CLDN12: variants seen among roughly 807,000 people sequenced by gnomAD.
CLDN12 encodes the protein claudin 12, also known as claudin-12.
CLDN12 carries 9 observed loss-of-function variants against 15.5 expected under a neutral mutation model. The observed-to-expected ratio is 0.58, with a 90% CI of 0.35 to 1.02. The LOEUF is 1.02. Ranked by LOEUF, CLDN12 falls within the 50% of genes least tolerant of loss-of-function variation. The probability of loss-of-function intolerance (pLI) is 0.02; values close to 1 mark genes in which losing one functional copy is unlikely to be tolerated. For missense variants in CLDN12, 233 were observed against 297.3 expected, an observed-to-expected ratio of 0.78 and a Z score of 1.59; for synonymous variants, 140 against 121.6, an observed-to-expected ratio of 1.15 and a Z score of -1.00.
At position 90,412,047 on chromosome 7, in the gene CLDN12, A is replaced by G. The variant is rs1429228385; in HGVS notation, c.-36A>G. 7 of 152,308 alleles carry G rather than the reference A, an allele frequency of 4.6e-5. No homozygotes were observed. The highest frequency in any genetic ancestry group is 4.6e-4 in the Admixed American group (7 of 15,284). The allele number at this position is 152,308 out of a possible 1,614,324, so 9.4% of individuals were successfully genotyped here. A position where few individuals can be genotyped will look rare whatever the true frequency, so the allele number is the denominator to read the frequency against. The stretch of plus-strand genomic sequence containing the variant: ...CACAGGGAAGTTCTGAATCTGGCCC[A>G]AGGTCAGTGAGCTAGTAAGTGAGGA... On this transcript the variant is annotated splice_region_variant and 5_prime_UTR_variant, in exon 3 of 4. Coordinates refer to ENST00000496677, the MANE Select transcript of CLDN12 (RefSeq NM_001185072.3).
In CLDN12 at chr7:90,412,955, C is replaced by T; in HGVS notation, c.279C>T (p.Ser93=). ...TCCTCCAGTTTGCCCTACCCCTCAG[C>T]ATGCTGATCGCCATGGGTGCCCTGC... is the stretch of plus-strand genomic sequence containing the variant. The part of the protein sequence containing the change: ...LRVLQFALPL[S]MLIAMGALLL... Residue 93 remains serine, a synonymous_variant, in exon 4 of 4, where the codon AGC becomes AGT. Transcript: ENST00000496677. 2 of 1,614,194 alleles carry T rather than the reference C, an allele frequency of 1.2e-6. No homozygotes were observed. The highest frequency in any genetic ancestry group is 2.2e-5 in the East Asian group (1 of 44,870).
chr7:90,410,461 G>A (rs1356439383), intron 2 of CLDN12, among the ~76,000 whole-genome samples: 1 of 152,084 alleles, frequency 6.6e-6, no homozygotes, highest in Non-Finnish European at 1.5e-5. Context: ...TTTTTATATT[G>A]TACATTTATA....
At chr7:90,410,630 A>G (rs1239311989) in intron 2 of CLDN12, among the ~76,000 whole-genome samples, 3 of 152,184 alleles carry the variant, frequency 2.0e-5, no homozygotes, top group Non-Finnish European at 4.4e-5. Context: ...TGAGGCCAGG[A>G]GTTCGAGACC....
At chr7:90,404,824 G>A (rs1385811853) in intron 1 of CLDN12, among the ~76,000 whole-genome samples, 1 of 150,980 alleles carries the variant, frequency 6.6e-6, no homozygotes, top group East Asian at 1.9e-4. Context: ...CTATTTCTAC[G>A]TATTTTTCTA....
In CLDN12 at chr7:90,413,575, G is replaced by T; in HGVS notation, c.*164G>T. On this transcript the variant is annotated 3_prime_UTR_variant, in exon 4 of 4. Coordinates refer to ENST00000496677, the MANE Select transcript of CLDN12 (RefSeq NM_001185072.3). Reference sequence around the variant, plus strand: ...GAAGTGCTGCTAGTTTTTATGAGAAGTATATTATATTAAATGTGAATTTTT... The same window carrying T: ...GAAGTGCTGCTAGTTTTTATGAGAATTATATTATATTAAATGTGAATTTTT... The T allele has an allele frequency of 7.1e-7, 1 of 1,410,526 alleles. No homozygotes were observed. Among genetic ancestry groups the T allele is most frequent in the Non-Finnish European group, 9.3e-7 (1 of 1,080,572 alleles). The allele number at this position is 1,410,526 out of a possible 1,614,324, so 87.4% of individuals were successfully genotyped here.
At chr7:90,405,789 C>G (rs760822911) in intron 2 of CLDN12, 181 bp downstream of exon 2, 3 of 152,116 alleles carry the variant, frequency 2.0e-5, no homozygotes, top group Non-Finnish European at 4.4e-5. Context: ...AGAAGGAACT[C>G]TCAATGTTAC....
intron 1 of CLDN12, among the ~76,000 whole-genome samples, chr7:90,404,344 A>C (rs1450901959): frequency 6.6e-6 from 1 of 152,118 alleles, no homozygotes; most frequent in Non-Finnish European, 1.5e-5. Flanking sequence ...CATTCTACAT[A>C]ATGATCGTAA....
chr7:90,412,916 G>C lies in CLDN12; in HGVS notation c.240G>C (p.Gln80His), dbSNP rs759812081. The change falls in exon 4 of 4, where the codon CAG (glutamine) becomes CAC (histidine). Residue 80 changes from glutamine to histidine, a missense_variant. Physicochemically the swap from Gln to His is conservative, Grantham distance 24 (BLOSUM62 0). Transcript: ENST00000496677. The stretch of plus-strand genomic sequence containing the variant: ...CTACTTGGTACTCATCAGTTGACCA[G>C]CTGGACCTGCGTGTCCTCCAGTTTG... ...YDTTWYSSVD[Q>H]LDLRVLQFAL... 3.7e-6 allele frequency: 6 copies of C among 1,614,212 alleles called. No homozygotes were observed. The South Asian group carries it at 6.6e-5, about 18-fold the overall frequency.
At position 90,413,141 on chromosome 7, in the gene CLDN12, C is replaced by G. The variant is rs1008641536; in HGVS notation, c.465C>G (p.Ile155Met). ...GCCTCTCCCCATCTATCTGGGTCATCTTTTATAACATCCATCTGAACAAGA... is the reference window on the plus strand; with the variant it reads ...GCCTCTCCCCATCTATCTGGGTCATGTTTTATAACATCCATCTGAACAAGA... ...TVSLSPSIWV[I>M]FYNIHLNKKF... Residue 155 changes from isoleucine to methionine, a missense_variant, in exon 4 of 4, where the codon ATC becomes ATG. Physicochemically the swap from Ile to Met is conservative, Grantham distance 10. Coordinates refer to ENST00000496677, the MANE Select transcript of CLDN12 (RefSeq NM_001185072.3). 2 of 1,614,178 alleles carry G rather than the reference C, an allele frequency of 1.2e-6. No individual in the cohort carries two copies. The highest frequency in any genetic ancestry group is 1.7e-6 in the Non-Finnish European group (2 of 1,180,030).
chr7:90,412,038 A>G lies in CLDN12; in HGVS notation c.-45A>G, dbSNP rs1469546064. 6.6e-6 allele frequency: 1 copy of G among 152,294 alleles called. No homozygotes were observed. Among genetic ancestry groups the G allele is most frequent in the African/African-American group, 2.4e-5 (1 of 41,454 alleles). The allele number at this position is 152,294 out of a possible 1,614,324, so 9.4% of individuals were successfully genotyped here. A position where few individuals can be genotyped will look rare whatever the true frequency, so the allele number is the denominator to read the frequency against. On this transcript the variant is annotated 5_prime_UTR_variant, in exon 3 of 4. Coordinates refer to ENST00000496677, the MANE Select transcript of CLDN12 (RefSeq NM_001185072.3). ...AAAACGAGGCACAGGGAAGTTCTGA[A>G]TCTGGCCCAAGGTCAGTGAGCTAGT...
In CLDN12 at chr7:90,415,631, G is replaced by A. The variant is rs9731; in HGVS notation, c.*2220G>A. 0.62 allele frequency: 102,930 copies of A among 166,854 alleles called. 32,501 individuals are homozygous for A. Among genetic ancestry groups the A allele is most frequent in the Non-Finnish European group, 0.66 (44,971 of 68,054 alleles). 10.3% of individuals were successfully genotyped at this position (166,854 alleles called of 1,614,324 possible). A position where few individuals can be genotyped will look rare whatever the true frequency, so the allele number is the denominator to read the frequency against. On this transcript the variant is annotated 3_prime_UTR_variant, in exon 4 of 4. Transcript: ENST00000496677. Reference sequence around the variant, plus strand: ...GCTATCAGTAGCTGTTTTTAAAGCCGTCCAAGGAAAATAATTATTTACAGT... The same window carrying A: ...GCTATCAGTAGCTGTTTTTAAAGCCATCCAAGGAAAATAATTATTTACAGT...
chr7:90,410,113 A>G (rs1162916783), intron 2 of CLDN12, among the ~76,000 whole-genome samples: 2 of 151,986 alleles, frequency 1.3e-5, no homozygotes, highest in Non-Finnish European at 2.9e-5. Flanking sequence ...AGATAGACAG[A>G]TGAATAAGCA....
intron 3 of CLDN12, chr7:90,412,348 G>C (rs1274740621): frequency 7.1e-6 from 2 of 283,132 alleles, no homozygotes; most frequent in Admixed American, 4.7e-5. Flanking sequence ...GATTGTAAGA[G>C]ACTTTAACAT....
intron 2 of CLDN12, among the ~76,000 whole-genome samples, chr7:90,409,782 C>T (rs1439777583): frequency 3.3e-5 from 5 of 152,166 alleles, no homozygotes; most frequent in African/African-American, 1.2e-4. Flanking sequence ...TGATTCACCA[C>T]CAACACTTTG....
At position 90,414,414 on chromosome 7, in the gene CLDN12, C is replaced by T. The variant is rs903426027; in HGVS notation, c.*1003C>T. On this transcript the variant is annotated 3_prime_UTR_variant, in exon 4 of 4. Transcript: ENST00000496677. ...TCTCGCCCCCGTCACTGATTATTTC[C>T]TTGAGCATATATCTCTGCCTAACAC... The T allele has an allele frequency of 1.0e-6, 1 of 999,560 alleles. No homozygotes were observed. Among genetic ancestry groups the T allele is most frequent in the African/African-American group, 1.7e-5 (1 of 57,202 alleles). The allele number at this position is 999,560 out of a possible 1,614,324, so 61.9% of individuals were successfully genotyped here.
rs2115903256 is a variant in CLDN12, at chr7:90,413,928, A to G, written c.*517A>G. On this transcript the variant is annotated 3_prime_UTR_variant, in exon 4 of 4. Transcript: ENST00000496677. ...GCTAATTGTATGAATAGGTGTCAGT[A>G]TGTTGAAGATTACTTTCTTTTGTGA... 2.0e-6 allele frequency: 2 copies of G among 997,036 alleles called. No homozygotes were observed. Among genetic ancestry groups the G allele is most frequent in the African/African-American group, 3.5e-5 (2 of 57,306 alleles). The allele number at this position is 997,036 out of a possible 1,614,324, so 61.8% of individuals were successfully genotyped here.
chr7:90,411,976 G>A (rs1011180357), intron 2 of CLDN12, 31 bp from the exon 3 acceptor site: 1 of 152,224 alleles, frequency 6.6e-6, no homozygotes, highest in African/African-American at 2.4e-5. Flanking sequence ...AACCCTGCAA[G>A]GTTGGCACTG....
In CLDN12 at chr7:90,413,109, A is replaced by G; in HGVS notation, c.433A>G (p.Thr145Ala). 1 of 1,614,212 alleles carries G rather than the reference A, an allele frequency of 6.2e-7. No homozygotes were observed. The highest frequency in any genetic ancestry group is 8.5e-7 in the Non-Finnish European group (1 of 1,180,026). The change falls in exon 4 of 4, where the codon ACT becomes GCT. Residue 145 changes from threonine (T) to alanine (A), a missense_variant. Thr to Ala is a moderately conservative substitution (Grantham distance 58). Coordinates refer to ENST00000496677, the MANE Select transcript of CLDN12 (RefSeq NM_001185072.3). The stretch of plus-strand genomic sequence containing the variant: ...TGGGCTGCTATTTTTCCTGGCAGGT[A>G]CTGTGAGCCTCTCCCCATCTATCTG... Reference protein sequence around the residue: ...VAGLLFFLAGTVSLSPSIWVI... With the variant: ...VAGLLFFLAGAVSLSPSIWVI...
rs561267693 is a variant in CLDN12 at position 90,415,903 on chromosome 7, A to T, written c.*2492A>T. On this transcript the variant is annotated 3_prime_UTR_variant, in exon 4 of 4. Transcript: ENST00000496677. ...GCTGTAAACTACAATGTAAAACCTC[A>T]ATAAAAGTGCGCTGTACTTCTTAAT... The T allele has an allele frequency of 1.8e-5, 3 of 166,922 alleles. No homozygotes were observed. Among genetic ancestry groups the T allele is most frequent in the African/African-American group, 7.2e-5 (3 of 41,592 alleles). The allele number at this position is 166,922 out of a possible 1,614,324, so 10.3% of individuals were successfully genotyped here.
Sources: gnomAD v4.1 joint callset for allele counts (sites outside exome capture counted in the v4.1 genomes callset) on GRCh38, gnomAD v4.1.1 for gene constraint, MANE v1.5 for transcripts, NCBI Gene and HGNC (gene_info 2026-07-23, HGNC 2026-07-21) for gene names.